The following CCDC83 variants were observed in gnomAD, a reference collection of about 807,000 sequenced individuals.
CCDC83 encodes the protein coiled-coil domain containing 83, also known as coiled-coil domain-containing protein 83.
A neutral mutation model predicts 50.1 loss-of-function variants in CCDC83; 54 were observed. The observed-to-expected ratio is 1.08, with a 90% confidence interval of 0.87 to 1.35. The LOEUF (loss-of-function observed/expected upper bound fraction) is 1.35, where lower values mean the gene tolerates loss of function less well. CCDC83 is among the 40% of genes most tolerant of loss of function. The probability of loss-of-function intolerance (pLI) is 0.00; values close to 1 mark genes in which losing one functional copy is unlikely to be tolerated. For missense variants in CCDC83, 518 were observed against 473.9 expected, an observed-to-expected ratio of 1.09 and a Z score of -0.86; for synonymous variants, 161 against 153.3, an observed-to-expected ratio of 1.05 and a Z score of -0.37.
Position 85,878,000 on chromosome 11 carries a change from A to T in CCDC83, c.181-4513A>T, listed in dbSNP as rs151018260. Among the ~76,000 whole-genome samples, 47 of 152,322 alleles carry T rather than the reference A, an allele frequency of 3.1e-4. No homozygotes were observed. The East Asian group carries it at 9.1e-3, about 29-fold the overall frequency. On this transcript the variant is annotated intron_variant, in intron 3 of 10. Transcript: ENST00000342404. ...ATTCAATTTATTTATAAGCAAACAAAACATGAATCTATTTCATTTCAGAAA... is the reference window on the plus strand; with the variant it reads ...ATTCAATTTATTTATAAGCAAACAATACATGAATCTATTTCATTTCAGAAA...
intron 1 of CCDC83, among the ~76,000 whole-genome samples, chr11:85,862,931 A>G (rs563920520): frequency 3.9e-5 from 6 of 152,360 alleles, no homozygotes; most frequent in Admixed American, 6.5e-5. Flanking sequence ...TTGTGCTTTA[A>G]TGGGTCCACA....
intron 6 of CCDC83, among the ~76,000 whole-genome samples, chr11:85,897,708 T>G (rs1260114155): frequency 1.3e-5 from 2 of 152,232 alleles, no homozygotes; most frequent in Non-Finnish European, 2.9e-5. Context: ...AACTTCTTGC[T>G]TTTGTCCACA....
At chr11:85,861,716 T>C (rs1020617176) in intron 1 of CCDC83, among the ~76,000 whole-genome samples, 1 of 152,062 alleles carries the variant, frequency 6.6e-6, no homozygotes, top group Non-Finnish European at 1.5e-5. Flanking sequence ...GTCATTAAAA[T>C]AGTCATTTTG....
At chr11:85,880,335 T>G (rs941911092) in intron 3 of CCDC83, among the ~76,000 whole-genome samples, 1 of 152,126 alleles carries the variant, frequency 6.6e-6, no homozygotes, top group Non-Finnish European at 1.5e-5. Context: ...CAACCAGCCT[T>G]GAGTGCAGTG....
chr11:85,907,400 GAA>G (rs1305110146), intron 7 of CCDC83, among the ~76,000 whole-genome samples: 3 of 152,190 alleles, frequency 2.0e-5, no homozygotes, highest in Non-Finnish European at 1.5e-5. Flanking sequence ...GAAAGCTGGA[GAA>G]ACTAGACAAA....
At chr11:85,863,010 A>C (rs1431702570) in intron 1 of CCDC83, among the ~76,000 whole-genome samples, 1 of 152,240 alleles carries the variant, frequency 6.6e-6, no homozygotes, top group Non-Finnish European at 1.5e-5. Flanking sequence ...TACATTAGTC[A>C]GAGAGTTAAA....
chr11:85,904,321 G>A (rs1007491666), intron 7 of CCDC83, among the ~76,000 whole-genome samples: 1 of 152,156 alleles, frequency 6.6e-6, no homozygotes, highest in African/African-American at 2.4e-5. Flanking sequence ...GGCCCAAATT[G>A]TGTGCCATTC....
At chr11:85,857,672 A>G (rs2093150134) in intron 1 of CCDC83, among the ~76,000 whole-genome samples, 2 of 152,164 alleles carry the variant, frequency 1.3e-5, no homozygotes, top group Non-Finnish European at 2.9e-5. Context: ...GGCTGCCAGG[A>G]GTCCCTCATA....
At chr11:85,872,637 T>C (rs1286147431) in intron 2 of CCDC83, among the ~76,000 whole-genome samples, 1 of 152,210 alleles carries the variant, frequency 6.6e-6, no homozygotes, top group Non-Finnish European at 1.5e-5. Flanking sequence ...AAATAGCCTA[T>C]AAGAAAGTCT....
chr11:85,915,676 T>C (rs577922225), intron 9 of CCDC83, among the ~76,000 whole-genome samples, 178 bp downstream of exon 9: 1 of 152,340 alleles, frequency 6.6e-6, no homozygotes, highest in East Asian at 1.9e-4. Context: ...ATCTCCTGTC[T>C]GTAGTCCCAC....
rs758673462 is a variant in CCDC83, at chr11:85,886,376, C to A, written c.511+9C>A. 2 of 1,568,932 alleles carry A rather than the reference C, an allele frequency of 1.3e-6. No homozygotes were observed. Among genetic ancestry groups the A allele is most frequent in the Admixed American group, 2.0e-5 (1 of 50,512 alleles). ...TGCAGAGAAAATGTCAGGTCAGTTG[C>A]AACAAAACTAGTTCAAGTTCAGTAA... On this transcript the variant is annotated intron_variant, in intron 5 of 10. Transcript: ENST00000342404.
At chr11:85,871,905 T>G (rs1306319259) in intron 2 of CCDC83, among the ~76,000 whole-genome samples, 2 of 152,168 alleles carry the variant, frequency 1.3e-5, no homozygotes, top group African/African-American at 4.8e-5. Flanking sequence ...AGTTATAAGA[T>G]TTATTAGGTT....
chr11:85,877,447 G>A (rs1211559267), intron 3 of CCDC83, among the ~76,000 whole-genome samples: 1 of 151,972 alleles, frequency 6.6e-6, no homozygotes, highest in Non-Finnish European at 1.5e-5. Flanking sequence ...CTCCAGCTTG[G>A]GCAACAGACT....
intron 2 of CCDC83, among the ~76,000 whole-genome samples, chr11:85,869,262 A>G (rs2093224028): frequency 6.6e-6 from 1 of 152,240 alleles, no homozygotes. Flanking sequence ...ACATAAGGTC[A>G]TGAACTTCTA....
At position 85,891,601 on chromosome 11, in the gene CCDC83, C is replaced by T. The variant is rs551458786; in HGVS notation, c.512-3692C>T. The stretch of plus-strand genomic sequence containing the variant: ...CAGGGATTCTTAAAAGTTCTTTGTA[C>T]ACTAACAGTGAATTTTTTTAAATTA... On this transcript the variant is annotated intron_variant, in intron 5 of 10. Coordinates refer to ENST00000342404, the MANE Select transcript of CCDC83 (RefSeq NM_001286159.2). 3.7e-3 allele frequency among the ~76,000 whole-genome samples: 562 copies of T among 152,270 alleles called. 2 individuals carry two copies. Among genetic ancestry groups the T allele is most frequent in the Non-Finnish European group, 5.2e-3 (356 of 68,000 alleles).
At chr11:85,883,204 C>T (rs933535589) in intron 4 of CCDC83, among the ~76,000 whole-genome samples, 1 of 152,164 alleles carries the variant, frequency 6.6e-6, no homozygotes, top group Admixed American at 6.5e-5. Context: ...AGGCGTGAGC[C>T]ACCATGCCCA....
chr11:85,882,773 A>T (rs1245352568), intron 4 of CCDC83, 98 bp downstream of exon 4: 1 of 1,173,030 alleles, frequency 8.5e-7, no homozygotes, highest in African/African-American at 1.5e-5. Context: ...AATGCTGTTA[A>T]GTGTATTTTA....
chr11:85,866,141 T>G (rs920079879), intron 2 of CCDC83, among the ~76,000 whole-genome samples: 1 of 152,146 alleles, frequency 6.6e-6, no homozygotes, highest in Non-Finnish European at 1.5e-5. Flanking sequence ...TCCTTGAGGG[T>G]CTGTGAACCT....
intron 7 of CCDC83, among the ~76,000 whole-genome samples, chr11:85,899,599 T>A (rs1019450358): frequency 1.3e-5 from 2 of 152,232 alleles, no homozygotes; most frequent in African/African-American, 4.8e-5. Context: ...CCAGGAAATC[T>A]TGGGAGCTCC....
Sources: gnomAD v4.1 joint callset for allele counts (sites outside exome capture counted in the v4.1 genomes callset) on GRCh38, gnomAD v4.1.1 for gene constraint, MANE v1.5 for transcripts, NCBI Gene and HGNC (gene_info 2026-07-23, HGNC 2026-07-21) for gene names.